NLRC5: variants seen among roughly 807,000 people sequenced by gnomAD.
NLRC5 encodes NLR family CARD domain containing 5, also known as protein NLRC5.
Under a neutral mutation model 206.9 loss-of-function variants are expected in NLRC5, and 114 were observed. The ratio of observed to expected loss-of-function variants is 0.55; its 90% confidence interval spans 0.47 to 0.64. NLRC5 has a LOEUF of 0.64. NLRC5 is among the 30% of genes least tolerant of loss of function. The pLI is 0.00. For missense variants in NLRC5, 2,008 were observed against 2,305.5 expected (o/e 0.87, Z 2.64); for synonymous variants, 952 against 962.8 (o/e 0.99, Z 0.21).
intron 30 of NLRC5, 33 bp from the exon 31 acceptor site, chr16:57,061,415 C>T: frequency 6.3e-7 from 1 of 1,598,540 alleles, no homozygotes. Context: ...CCACAGGCCT[C>T]ACCCAGGCTC....
At position 57,051,911 on chromosome 16, in the gene NLRC5, C is replaced by T. The variant is rs183186181; in HGVS notation, c.3506+290C>T. 9.0e-4 allele frequency among the ~76,000 whole-genome samples: 137 copies of T among 152,226 alleles called. 1 individual carries two copies. The highest frequency in any genetic ancestry group is 6.8e-3 in the Middle Eastern group (2 of 294). On this transcript the variant is annotated intron_variant, in intron 24 of 48. Coordinates refer to ENST00000688547, the MANE Select transcript of NLRC5 (RefSeq NM_001384950.1). ...TCTGACAAATGGGATTAATATTCCC[C>T]GCCCATTCCCCCAGAGTTGGGACTC...
intron 1 of NLRC5, among the ~76,000 whole-genome samples, chr16:56,994,428 C>T (rs1027292310): frequency 3.3e-5 from 5 of 152,214 alleles, no homozygotes; most frequent in African/African-American, 1.2e-4. Context: ...TTCCACACAC[C>T]AGGCCCTGCT....
At chr16:57,080,431 C>A (rs1373766312) in intron 46 of NLRC5, among the ~76,000 whole-genome samples, 3 of 149,902 alleles carry the variant, frequency 2.0e-5, no homozygotes, top group Admixed American at 6.6e-5. Flanking sequence ...TATATGGAGT[C>A]TGTAACACAA....
chr16:57,003,600 G>A (rs910907345), intron 1 of NLRC5, among the ~76,000 whole-genome samples: 18 of 152,012 alleles, frequency 1.2e-4, no homozygotes, highest in Middle Eastern at 3.4e-3. Flanking sequence ...TCCCTCCCCC[G>A]CCCACTGGGG....
At chr16:57,014,488 A>G (rs999282371) in intron 1 of NLRC5, among the ~76,000 whole-genome samples, 6 of 152,270 alleles carry the variant, frequency 3.9e-5, no homozygotes, top group Admixed American at 3.3e-4. Context: ...CTAACTTAAG[A>G]TTAGACTTAA....
chr16:57,040,756 C>A (rs1342580000), intron 17 of NLRC5, 38 bp downstream of exon 17: 1 of 1,591,442 alleles, frequency 6.3e-7, no homozygotes, highest in South Asian at 1.1e-5. Flanking sequence ...GTGATTCCAG[C>A]CCCCTCCCTT....
intron 12 of NLRC5, among the ~76,000 whole-genome samples, 182 bp from the exon 13 acceptor site, chr16:57,033,986 G>A (rs2062190917): frequency 6.6e-6 from 1 of 152,206 alleles, no homozygotes; most frequent in African/African-American, 2.4e-5. Flanking sequence ...CTTTGAGGGA[G>A]GAGGAAACTG....
chr16:57,072,604 A>G (rs2067911760), intron 38 of NLRC5, among the ~76,000 whole-genome samples: 1 of 152,122 alleles, frequency 6.6e-6, no homozygotes, highest in Non-Finnish European at 1.5e-5. Flanking sequence ...CCTCAGTCTA[A>G]AAGACAGGTC....
intron 14 of NLRC5, among the ~76,000 whole-genome samples, chr16:57,036,589 T>TG (rs1330457043): frequency 1.4e-5 from 2 of 146,814 alleles, no homozygotes; most frequent in Non-Finnish European, 3.0e-5. Context: ...GGGTGAGGGG[T>TG]GGTGAGATGG....
In NLRC5 at chr16:57,027,000, G is replaced by A; in HGVS notation, c.2057G>A (p.Gly686Glu). 6.2e-7 allele frequency: 1 copy of A among 1,613,734 alleles called. No homozygotes were observed. Among genetic ancestry groups the A allele is most frequent in the Admixed American group, 1.7e-5 (1 of 60,002 alleles). ...TGCCCTGAGGCTCTGGTAGGCTGTG[G>A]GCAGATAGAGAATCTCAGGTGAGTA... Reference protein sequence around the residue: ...PHCPEALVGCGQIENLSFKSR... With the variant: ...PHCPEALVGCEQIENLSFKSR... The change falls in exon 6 of 49, where the codon GGG becomes GAG. Residue 686 changes from glycine (G) to glutamate (E), a missense_variant. By Grantham distance (98) the Gly-to-Glu change is moderately conservative. Coordinates refer to ENST00000688547, the MANE Select transcript of NLRC5 (RefSeq NM_001384950.1).
chr16:57,076,200 C>CAGTG (rs1262863310), intron 39 of NLRC5: 4 of 156,482 alleles, frequency 2.6e-5, no homozygotes. Context: ...CAGGTGTGAA[C>CAGTG]CACTGCTCCC....
At chr16:57,005,139 G>A (rs1158515149) in intron 1 of NLRC5, among the ~76,000 whole-genome samples, 1 of 152,306 alleles carries the variant, frequency 6.6e-6, no homozygotes, top group African/African-American at 2.4e-5. Context: ...AAATGCAAAT[G>A]TGAGGGCTTG....
chr16:57,059,240 CT>C, intron 29 of NLRC5, 179 bp downstream of exon 29: 1 of 1,480,632 alleles, frequency 6.8e-7, no homozygotes, highest in Non-Finnish European at 8.9e-7. Flanking sequence ...TTTCTATCCC[CT>C]GATGCCCGGG....
intron 13 of NLRC5, 98 bp downstream of exon 13, chr16:57,034,349 A>C: frequency 1.2e-6 from 1 of 810,958 alleles, no homozygotes; most frequent in Non-Finnish European, 2.0e-6. Context: ...GGGGAGGGGC[A>C]TGCTGCCTCA....
intron 1 of NLRC5, among the ~76,000 whole-genome samples, chr16:56,993,682 C>A (rs2057238611): frequency 6.6e-6 from 1 of 152,136 alleles, no homozygotes; most frequent in Non-Finnish European, 1.5e-5. Context: ...GTTTGAACAT[C>A]TTTTCAAATA....
intron 32 of NLRC5, 90 bp downstream of exon 32, chr16:57,061,791 C>T: frequency 6.4e-7 from 1 of 1,550,754 alleles, no homozygotes; most frequent in Admixed American, 1.9e-5. Flanking sequence ...AGGATCATGG[C>T]CCCAGTCATT....
chr16:57,079,569 A>G lies in NLRC5; in HGVS notation c.5261A>G (p.Asn1754Ser). Residue 1754 changes from asparagine to serine, a missense_variant, in exon 46 of 49, where the codon AAC (asparagine) becomes AGC (serine). Transcript: ENST00000688547. ...AGCCTGGTTTCCTGTAAGATTGACA[A>G]CCAGACTGCCAAGCTCCTCACCTCC... is the stretch of plus-strand genomic sequence containing the variant. ...QIDLVSCKID[N>S]QTAKLLTSSF... 1 of 1,613,994 alleles carries G rather than the reference A, an allele frequency of 6.2e-7. No homozygotes were observed. Among genetic ancestry groups the G allele is most frequent in the East Asian group, 2.2e-5 (1 of 44,866 alleles).
chr16:57,067,652 T>A (rs2067215599), intron 35 of NLRC5, 84 bp from the exon 36 acceptor site: 1 of 1,451,200 alleles, frequency 6.9e-7, no homozygotes, highest in Non-Finnish European at 9.7e-7. Flanking sequence ...CCCCTTCTCC[T>A]CTCTTGGCAC....
intron 24 of NLRC5, among the ~76,000 whole-genome samples, chr16:57,054,274 A>G (rs2065300886): frequency 6.6e-6 from 1 of 152,082 alleles, no homozygotes; most frequent in African/African-American, 2.4e-5. Flanking sequence ...CACAACAAAG[A>G]ATTATTGGAC....
Sources: gnomAD v4.1 joint callset for allele counts (sites outside exome capture counted in the v4.1 genomes callset) on GRCh38, gnomAD v4.1.1 for gene constraint, MANE v1.5 for transcripts, NCBI Gene and HGNC (gene_info 2026-07-23, HGNC 2026-07-21) for gene names.